RBFOX3: variants seen among roughly 807,000 people sequenced by gnomAD.
The protein encoded by RBFOX3 is RNA binding protein fox-1 homolog 3.
RBFOX3 carries 17 observed loss-of-function variants against 48.7 expected under a neutral mutation model. That is an observed-to-expected ratio of 0.35 (90% CI 0.24 to 0.52). The LOEUF (loss-of-function observed/expected upper bound fraction) is 0.52, where lower values mean the gene tolerates loss of function less well. RBFOX3 is among the 20% of genes least tolerant of loss of function. RBFOX3 has a pLI of 0.94. For missense variants in RBFOX3, 382 were observed against 497.5 expected, an observed-to-expected ratio of 0.77 and a Z score of 2.21; for synonymous variants, 212 against 209.5, an observed-to-expected ratio of 1.01 and a Z score of -0.10.
intron 14 of RBFOX3, chr17:79,094,242 AC>A: frequency 2.1e-6 from 1 of 478,262 alleles, no homozygotes; most frequent in Non-Finnish European, 3.7e-6. Context: ...CGGTGGGCTG[AC>A]CAGCCATTCA....
At chr17:79,659,048 C>T in the RBFOX3 span, among the ~76,000 whole-genome samples, 2 of 152,146 alleles carry the variant, frequency 1.3e-5, no homozygotes, top group Non-Finnish European at 2.9e-5. Flanking sequence ...AGTGGTCACA[C>T]CAAGACCCAG....
rs1407337658 is a variant in RBFOX3 at position 79,481,085 on chromosome 17, G to A, written c.-175+1369C>T. Among the ~76,000 whole-genome samples, 4 of 152,184 alleles carry A rather than the reference G, an allele frequency of 2.6e-5. No individual in the cohort carries two copies. The highest frequency in any genetic ancestry group is 2.6e-4 in the Admixed American group (4 of 15,282). ...CCTTCACCAGAGAGAAGCAAGCAGT[G>A]CACGCCTGGAGAAGCACCCAGACTG... On this transcript the variant is annotated intron_variant, in intron 2 of 14. Transcript: ENST00000693108. The surrounding 1 kb of genome is among the most constrained non-coding windows in gnomAD (Gnocchi z 5.4).
intron 3 of RBFOX3, among the ~76,000 whole-genome samples, chr17:79,304,546 C>T (rs1025322887): frequency 1.3e-5 from 2 of 151,736 alleles, no homozygotes; most frequent in Admixed American, 1.3e-4. Context: ...ATCACACACG[C>T]ACTGAGGTGT....
At chr17:79,425,563 C>T (rs1049607757) in intron 2 of RBFOX3, among the ~76,000 whole-genome samples, 7 of 152,262 alleles carry the variant, frequency 4.6e-5, no homozygotes, top group Non-Finnish European at 7.3e-5. Flanking sequence ...CAACAGGACA[C>T]AGCAGAGGCC....
At position 79,103,396 on chromosome 17, in the gene RBFOX3, G is replaced by A; in HGVS notation, c.415-142C>T. 1 of 664,954 alleles carries A rather than the reference G, an allele frequency of 1.5e-6. No individual in the cohort carries two copies. The highest frequency in any genetic ancestry group is 2.7e-6 in the Non-Finnish European group (1 of 371,290). The allele number at this position is 664,954 out of a possible 1,614,324, so 41.2% of individuals were successfully genotyped here. Reference sequence around the variant, plus strand: ...GAAGGGGTTGAGTCAGGTGAGTTGAGGCAGAGACGCAGGCAGCCCAGAGGT... The same window carrying A: ...GAAGGGGTTGAGTCAGGTGAGTTGAAGCAGAGACGCAGGCAGCCCAGAGGT... On this transcript the variant is annotated intron_variant, in intron 7 of 14. Transcript: ENST00000693108. The surrounding 1 kb of genome is among the most constrained non-coding windows in gnomAD (Gnocchi z 6.1).
intron 2 of RBFOX3, among the ~76,000 whole-genome samples, chr17:79,466,500 A>T (rs529996638): frequency 6.6e-6 from 1 of 152,262 alleles, no homozygotes; most frequent in African/African-American, 2.4e-5. Context: ...GCACAGACCC[A>T]GGCTACTCCC....
intron 3 of RBFOX3, among the ~76,000 whole-genome samples, chr17:79,262,329 G>A (rs1181794921): frequency 6.6e-6 from 1 of 152,240 alleles, no homozygotes; most frequent in East Asian, 1.9e-4. Context: ...TAGGAAAGGG[G>A]TGGCCAGGAC....
At chr17:79,433,871 C>T (rs2068918198) in intron 2 of RBFOX3, among the ~76,000 whole-genome samples, 1 of 152,224 alleles carries the variant, frequency 6.6e-6, no homozygotes, top group Non-Finnish European at 1.5e-5. Context: ...AAAGTTTCAT[C>T]GGTCAATCAG....
intron 2 of RBFOX3, among the ~76,000 whole-genome samples, chr17:79,436,091 T>A (rs1284715617): frequency 6.6e-6 from 1 of 152,158 alleles, no homozygotes; most frequent in Non-Finnish European, 1.5e-5. Context: ...GTGTGGATTC[T>A]TCATGCTGGT....
chr17:79,613,147 T>C (rs2093981405), upstream of RBFOX3, among the ~76,000 whole-genome samples: 4 of 152,226 alleles, frequency 2.6e-5, no homozygotes, highest in South Asian at 2.1e-4. Flanking sequence ...AAATCATTCC[T>C]TGGGGACGTT....
At chr17:79,114,827 G>C (rs75228626) in intron 5 of RBFOX3, among the ~76,000 whole-genome samples, 1 of 152,136 alleles carries the variant, frequency 6.6e-6, no homozygotes, top group South Asian at 2.1e-4. Context: ...GCTCTGGGGG[G>C]TGGGTGGAGG....
intron 1 of RBFOX3, among the ~76,000 whole-genome samples, chr17:79,605,549 G>A (rs965640730): frequency 2.2e-4 from 33 of 152,304 alleles, no homozygotes; most frequent in Middle Eastern, 3.4e-3. Flanking sequence ...GGGTCCAGTA[G>A]GGAGACGGCC....
At chr17:79,564,851 C>T (rs1008293524) in intron 1 of RBFOX3, among the ~76,000 whole-genome samples, 33 of 152,070 alleles carry the variant, frequency 2.2e-4, no homozygotes, top group South Asian at 8.3e-4. Flanking sequence ...ACCAGCCTGG[C>T]CAATATGGTG....
intron 1 of RBFOX3, among the ~76,000 whole-genome samples, chr17:79,523,164 T>G (rs2150012129): frequency 1.3e-5 from 2 of 151,896 alleles, no homozygotes; most frequent in East Asian, 3.9e-4. Context: ...AATGTGGAAT[T>G]GTTTCTGGGG....
chr17:79,280,151 G>GCA (rs10650243), intron 3 of RBFOX3, among the ~76,000 whole-genome samples: 72,123 of 149,702 alleles, frequency 0.48, 17,752 homozygotes, highest in African/African-American at 0.61. Context: ...ACATGTGCGT[G>GCA]CACACACACA....
intron 4 of RBFOX3, among the ~76,000 whole-genome samples, chr17:79,119,107 T>G (rs1340229516): frequency 1.3e-5 from 2 of 152,146 alleles, no homozygotes; most frequent in African/African-American, 4.8e-5. Flanking sequence ...TGGGGCTGAA[T>G]GACAGCTGCC....
intron 2 of RBFOX3, among the ~76,000 whole-genome samples, chr17:79,401,047 T>C (rs2062739607): frequency 6.6e-6 from 1 of 152,220 alleles, no homozygotes; most frequent in African/African-American, 2.4e-5. Flanking sequence ...TCCGGGCGTG[T>C]TCATTTTTAA....
intron 1 of RBFOX3, among the ~76,000 whole-genome samples, chr17:79,512,139 T>C (rs1415147110): frequency 0.13 from 4,986 of 36,936 alleles, 3 homozygotes; most frequent in African/African-American, 0.15. Context: ...ATGTTACCAT[T>C]GGGTACAGCC....
chr17:79,314,814 C>T (rs1179617788), intron 2 of RBFOX3, among the ~76,000 whole-genome samples: 1 of 152,118 alleles, frequency 6.6e-6, no homozygotes, highest in Non-Finnish European at 1.5e-5. Context: ...ATAATAGATG[C>T]CAAATCGATG....
Sources: gnomAD v4.1 joint callset for allele counts (sites outside exome capture counted in the v4.1 genomes callset) on GRCh38, gnomAD v4.1.1 for gene constraint, Gnocchi (gnomAD v3.1) non-coding constraint, MANE v1.5 for transcripts, NCBI Gene and HGNC (gene_info 2026-07-23, HGNC 2026-07-21) for gene names.